The following CDKL4 variants were observed in gnomAD, a reference collection of about 807,000 sequenced individuals.
CDKL4 encodes cyclin-dependent kinase-like 4.
Under a neutral mutation model 42.0 loss-of-function variants are expected in CDKL4, and 44 were observed. The ratio of observed to expected loss-of-function variants is 1.05; its 90% CI spans 0.82 to 1.35. The LOEUF (loss-of-function observed/expected upper bound fraction) is 1.35, where lower values mean the gene tolerates loss of function less well. Among genes scored for constraint, CDKL4 ranks in the 40% most tolerant of loss-of-function variants. The pLI is 0.00. For synonymous variants in CDKL4, 120 were observed against 121.6 expected (o/e 0.99, Z 0.09); for missense variants, 393 against 369.9 (o/e 1.06, Z -0.51).
At chr2:39,204,959 A>C (rs1249653340) in intron 4 of CDKL4, among the ~76,000 whole-genome samples, 2 of 151,898 alleles carry the variant, frequency 1.3e-5, no homozygotes, top group African/African-American at 4.8e-5. Flanking sequence ...CGGGAGGATA[A>C]CTTGAAGCCA....
chr2:39,223,019 G>C (rs1037817093), intron 3 of CDKL4, among the ~76,000 whole-genome samples: 2 of 151,950 alleles, frequency 1.3e-5, no homozygotes, highest in African/African-American at 4.8e-5. Context: ...GAGAAAATTT[G>C]AGAAAACTCA....
intron 8 of CDKL4, among the ~76,000 whole-genome samples, chr2:39,181,294 G>A (rs114209298): frequency 0.023 from 3,522 of 152,136 alleles, 47 homozygotes; most frequent in Middle Eastern, 0.027. Context: ...TCTCTACTAT[G>A]TTCTCCACTA....
intron 4 of CDKL4, among the ~76,000 whole-genome samples, chr2:39,212,314 A>G (rs1021424122): frequency 6.6e-6 from 1 of 151,734 alleles, no homozygotes; most frequent in Non-Finnish European, 1.5e-5. Flanking sequence ...GCTCACTGCA[A>G]GCTCCGCCTC....
intron 9 of CDKL4, among the ~76,000 whole-genome samples, chr2:39,176,523 C>T (rs1218157772): frequency 1.3e-5 from 2 of 152,206 alleles, no homozygotes; most frequent in African/African-American, 4.8e-5. Flanking sequence ...CAACCTCTGC[C>T]TCCAGATTCA....
At chr2:39,244,043 G>A (rs1679800961), upstream of CDKL4, among the ~76,000 whole-genome samples, 2 of 152,216 alleles carry the variant, frequency 1.3e-5, no homozygotes, top group Admixed American at 1.3e-4. Flanking sequence ...GGGCACTGCG[G>A]CTTCCGGAGC....
intron 6 of CDKL4, among the ~76,000 whole-genome samples, chr2:39,189,696 T>C (rs1336632884): frequency 6.6e-6 from 1 of 152,192 alleles, no homozygotes; most frequent in Non-Finnish European, 1.5e-5. Flanking sequence ...CAAAAAAGAT[T>C]TTTTGATATT....
intron 1 of CDKL4, among the ~76,000 whole-genome samples, chr2:39,229,809 G>C (rs1243599835): frequency 3.9e-5 from 6 of 152,306 alleles, no homozygotes; most frequent in African/African-American, 1.4e-4. Flanking sequence ...ATGGTTCTAT[G>C]TTGACCTCAG....
chr2:39,191,144 A>T (rs1009330051), intron 5 of CDKL4, among the ~76,000 whole-genome samples: 4 of 152,092 alleles, frequency 2.6e-5, no homozygotes, highest in African/African-American at 9.7e-5. Context: ...CATGCCTCTC[A>T]TCCCAGCACT....
intron 3 of CDKL4, among the ~76,000 whole-genome samples, chr2:39,217,066 G>T (rs746953897): frequency 7.2e-5 from 11 of 152,138 alleles, no homozygotes; most frequent in Non-Finnish European, 1.0e-4. Flanking sequence ...AACCATCAAA[G>T]AGAGTACACA....
chr2:39,218,833 T>G (rs2148366098), intron 3 of CDKL4, among the ~76,000 whole-genome samples: 1 of 152,292 alleles, frequency 6.6e-6, no homozygotes, highest in South Asian at 2.1e-4. Flanking sequence ...TTCTCTAGCT[T>G]GCAGATGGCA....
At chr2:39,206,054 G>C (rs529426253) in intron 4 of CDKL4, among the ~76,000 whole-genome samples, 24 of 44,596 alleles carry the variant, frequency 5.4e-4, no homozygotes, top group Admixed American at 4.0e-3. Context: ...GTTTTTTTTT[G>C]TTTTTTGTTT....
chr2:39,238,273 T>TA (rs1679471280), intron 1 of CDKL4, among the ~76,000 whole-genome samples: 1 of 151,956 alleles, frequency 6.6e-6, no homozygotes, highest in African/African-American at 2.4e-5. Flanking sequence ...TCTAAAAAAA[T>TA]AAAAAATAAT....
chr2:39,191,581 T>G (rs943312828), intron 5 of CDKL4, among the ~76,000 whole-genome samples: 1 of 152,174 alleles, frequency 6.6e-6, no homozygotes, highest in African/African-American at 2.4e-5. Context: ...CCCAGGAAAC[T>G]AATGCAGCAC....
chr2:39,171,521 G>T (rs556297718), downstream of CDKL4, among the ~76,000 whole-genome samples: 47 of 152,220 alleles, frequency 3.1e-4, no homozygotes, highest in African/African-American at 1.1e-3. Context: ...GGGGCAAGTT[G>T]GAACAATTAC....
In CDKL4 at chr2:39,206,407, C is replaced by A. The variant is rs1272957060; in HGVS notation, c.364-1790G>T. On this transcript the variant is annotated intron_variant, in intron 4 of 9. Coordinates refer to ENST00000451199, the Ensembl canonical transcript of CDKL4. ...CCAGCTGTTCTTTCATATGCAGCGGCCTTACAACTTGCTGCGTCATCATAA... is the reference window on the plus strand; with the variant it reads ...CCAGCTGTTCTTTCATATGCAGCGGACTTACAACTTGCTGCGTCATCATAA... 2.0e-5 allele frequency among the ~76,000 whole-genome samples: 3 copies of A among 152,276 alleles called. No individual in the cohort carries two copies. In the East Asian group the frequency reaches 5.8e-4, roughly 29 times the overall value.
rs1298156210 is a variant in CDKL4 at position 39,185,458 on chromosome 2, G to A, written c.736-811C>T. 7.0e-5 allele frequency among the ~76,000 whole-genome samples: 8 copies of A among 113,756 alleles called. 1 individual carries two copies. Among genetic ancestry groups the A allele is most frequent in the African/African-American group, 2.7e-4 (8 of 29,146 alleles). 74.6% of individuals were successfully genotyped at this position (113,756 alleles called of 152,430 possible). A position where few individuals can be genotyped will look rare whatever the true frequency, so the allele number is the denominator to read the frequency against. On this transcript the variant is annotated intron_variant, in intron 7 of 9. Transcript: ENST00000451199. ...TATATATACATGTATATATACATATGTGTATATATATATATATATATTTGA... is the reference window on the plus strand; with the variant it reads ...TATATATACATGTATATATACATATATGTATATATATATATATATATTTGA...
chr2:39,230,589 T>G (rs1221679018), intron 1 of CDKL4, among the ~76,000 whole-genome samples: 1 of 152,250 alleles, frequency 6.6e-6, no homozygotes, highest in Non-Finnish European at 1.5e-5. Flanking sequence ...ACATGATGAC[T>G]AAGGCCAACA....
exon 3 of CDKL4, chr2:39,225,852 T>C: frequency 6.2e-7 from 1 of 1,602,810 alleles, no homozygotes; most frequent in Non-Finnish European, 8.5e-7. Flanking sequence ...TTTGGGTTTC[T>C]TTCCAGCTCA....
At position 39,214,069 on chromosome 2, in the gene CDKL4, C is replaced by T. The variant is rs143833533; in HGVS notation, c.291-597G>A. Reference sequence around the variant, plus strand: ...TCCCAAGTAGCTAGGATTACAGGCACGTGCCACGATACCCGGCTAATTTTT... The same window carrying T: ...TCCCAAGTAGCTAGGATTACAGGCATGTGCCACGATACCCGGCTAATTTTT... On this transcript the variant is annotated intron_variant, in intron 3 of 9. Transcript: ENST00000451199. 1.7e-4 allele frequency among the ~76,000 whole-genome samples: 26 copies of T among 152,060 alleles called. No individual in the cohort carries two copies. In the East Asian group the frequency reaches 4.2e-3, roughly 25 times the overall value.
Sources: allele counts gnomAD v4.1 joint callset (sites outside exome capture counted in the v4.1 genomes callset), GRCh38; gene constraint gnomAD v4.1.1; transcripts MANE v1.5; gene names NCBI Gene and HGNC (gene_info 2026-07-23, HGNC 2026-07-21).